The following DTNA variants were observed in gnomAD, a reference collection of about 807,000 sequenced individuals.
The protein encoded by DTNA is dystrobrevin alpha.
Under a neutral mutation model 100.7 loss-of-function variants are expected in DTNA, and 43 were observed. That is an observed-to-expected ratio of 0.43 (90% confidence interval 0.33 to 0.55). The LOEUF is 0.55. DTNA is among the 20% of genes least tolerant of loss of function. The pLI is 0.04. For missense variants in DTNA, 798 were observed against 953.9 expected (o/e 0.84, Z 2.15); for synonymous variants, 349 against 347.9 (o/e 1.00, Z -0.04).
chr18:34,799,365 T>G, intron 4 of DTNA, among the ~76,000 whole-genome samples: 1 of 152,220 alleles, frequency 6.6e-6, no homozygotes, highest in Non-Finnish European at 1.5e-5. Flanking sequence ...GCCAAAATCC[T>G]TCTGTCTTTC....
chr18:34,868,594 T>G (rs2096732599), intron 17 of DTNA: 1 of 985,344 alleles, frequency 1.0e-6, no homozygotes, highest in Admixed American at 6.1e-5. Flanking sequence ...TGTGCTGGAT[T>G]TAATAACCTC....
intron 1 of DTNA, among the ~76,000 whole-genome samples, chr18:34,509,773 T>C (rs560264805): frequency 1.3e-5 from 2 of 152,226 alleles, no homozygotes; most frequent in South Asian, 4.1e-4. Context: ...TTCTGTTTGA[T>C]GCCTTCCTTA....
At chr18:34,504,572 T>A (rs2040299158) in intron 1 of DTNA, among the ~76,000 whole-genome samples, 1 of 152,220 alleles carries the variant, frequency 6.6e-6, no homozygotes, top group African/African-American at 2.4e-5. Flanking sequence ...AATGTCTTGA[T>A]TTTTTCTTTC....
chr18:34,616,749 A>G (rs1250446563), intron 1 of DTNA, among the ~76,000 whole-genome samples: 3 of 152,168 alleles, frequency 2.0e-5, no homozygotes, highest in Non-Finnish European at 4.4e-5. Context: ...GATCCTTCCT[A>G]TCAATGAGCA....
chr18:34,518,525 C>A (rs2041867155), intron 1 of DTNA, among the ~76,000 whole-genome samples: 2 of 150,430 alleles, frequency 1.3e-5, no homozygotes, highest in Admixed American at 6.7e-5. Flanking sequence ...TGAAGATTTT[C>A]TTTTTTTTTC....
rs569351944 is a variant in DTNA, at chr18:34,596,751, T to G, written c.-2+103237T>G. ...AACTTTTCTGATTTTATTTTTTAGT[T>G]GTGACCTGATATATTCAAACTTTTT... On this transcript the variant is annotated intron_variant, in intron 1 of 19. Coordinates refer to the DTNA transcript ENST00000283365. Among the ~76,000 whole-genome samples, 42 of 152,338 alleles carry G rather than the reference T, an allele frequency of 2.8e-4. No individual in the cohort carries two copies. In the South Asian group the frequency reaches 8.5e-3, roughly 31 times the overall value.
intron 1 of DTNA, among the ~76,000 whole-genome samples, chr18:34,753,379 TTTTATTTTTTA>T (rs2092519722): frequency 3.3e-5 from 1 of 29,874 alleles, no homozygotes; most frequent in Non-Finnish European, 7.3e-5. Flanking sequence ...TTTTTTTTTT[TTTTATTTTTTA>T]TTTTTTTTTT....
chr18:34,693,369 C>T (rs1029621836), intron 1 of DTNA, among the ~76,000 whole-genome samples: 23 of 152,068 alleles, frequency 1.5e-4, no homozygotes, highest in African/African-American at 2.4e-4. Context: ...CAGCCCAGAC[C>T]TCCTAATTTT....
chr18:34,860,894 C>T (rs1323480393), intron 16 of DTNA, among the ~76,000 whole-genome samples: 2 of 152,136 alleles, frequency 1.3e-5, no homozygotes, highest in Non-Finnish European at 1.5e-5. Flanking sequence ...TATTATTCTA[C>T]TCGTTTAATG....
intron 3 of DTNA, among the ~76,000 whole-genome samples, chr18:34,791,374 A>G (rs2094734442): frequency 6.6e-6 from 1 of 152,144 alleles, no homozygotes; most frequent in African/African-American, 2.4e-5. Context: ...GCAGGACGAC[A>G]GGCTGGATGT....
intron 13 of DTNA, among the ~76,000 whole-genome samples, chr18:34,842,353 A>G (rs1348011431): frequency 6.6e-6 from 1 of 152,182 alleles, no homozygotes; most frequent in Non-Finnish European, 1.5e-5. Context: ...GCTCCACAAT[A>G]TTTTATGCTT....
chr18:34,501,563 AAT>A (rs767261900), intron 1 of DTNA, among the ~76,000 whole-genome samples: 2 of 152,122 alleles, frequency 1.3e-5, no homozygotes, highest in African/African-American at 2.4e-5. Context: ...CTTTTGGTAG[AAT>A]TCTCCAGTGA....
At chr18:34,828,120 G>A (rs896887327) in intron 10 of DTNA, among the ~76,000 whole-genome samples, 5 of 152,244 alleles carry the variant, frequency 3.3e-5, no homozygotes, top group Non-Finnish European at 5.9e-5. Context: ...GAGTTCCTGA[G>A]GCTAGAGGAT....
intron 1 of DTNA, among the ~76,000 whole-genome samples, chr18:34,561,304 A>G (rs541264196): frequency 2.6e-5 from 4 of 152,308 alleles, no homozygotes; most frequent in Non-Finnish European, 4.4e-5. Context: ...TGAAATTTAT[A>G]ATACTATCAT....
chr18:34,557,764 CT>C (rs1419693715), intron 1 of DTNA, among the ~76,000 whole-genome samples: 1 of 151,598 alleles, frequency 6.6e-6, no homozygotes, highest in Non-Finnish European at 1.5e-5. Context: ...AACCACTGCC[CT>C]CTTCAAAGCT....
At chr18:34,565,939 C>T (rs1451507709) in intron 1 of DTNA, among the ~76,000 whole-genome samples, 4 of 152,154 alleles carry the variant, frequency 2.6e-5, no homozygotes, top group African/African-American at 4.8e-5. Flanking sequence ...GTATCTTAGG[C>T]ATAGACAATG....
intron 15 of DTNA, among the ~76,000 whole-genome samples, chr18:34,856,972 C>T (rs1168129968): frequency 2.0e-5 from 3 of 152,310 alleles, no homozygotes; most frequent in Middle Eastern, 6.8e-3. Flanking sequence ...GGAAATCCCA[C>T]TGCACTGATT....
At chr18:34,639,642 T>C (rs2059048126) in intron 1 of DTNA, among the ~76,000 whole-genome samples, 1 of 152,304 alleles carries the variant, frequency 6.6e-6, no homozygotes, top group Non-Finnish European at 1.5e-5. Context: ...AAGGCTTTTA[T>C]GGGCCTACTT....
At chr18:34,559,612 T>C (rs1225200817) in intron 1 of DTNA, among the ~76,000 whole-genome samples, 2 of 152,220 alleles carry the variant, frequency 1.3e-5, no homozygotes, top group African/African-American at 2.4e-5. Context: ...ATTTCCTTCA[T>C]TCACCAAGGC....
Sources: gnomAD v4.1 joint callset for allele counts (sites outside exome capture counted in the v4.1 genomes callset) on GRCh38, gnomAD v4.1.1 for gene constraint, MANE v1.5 for transcripts, NCBI Gene and HGNC (gene_info 2026-07-23, HGNC 2026-07-21) for gene names.